The following HIVEP3 variants were observed in gnomAD, a reference collection of about 807,000 sequenced individuals.
HIVEP3 encodes the protein HIVEP zinc finger 3, also known as transcription factor HIVEP3.
Under a neutral mutation model 152.8 loss-of-function variants are expected in HIVEP3, and 49 were observed. The observed-to-expected ratio is 0.32, with a 90% CI of 0.26 to 0.41. HIVEP3 has a LOEUF of 0.41. HIVEP3 is among the 10% of genes least tolerant of loss of function. The pLI is 1.00. For missense variants in HIVEP3, 2,790 were observed against 3,103.3 expected, an observed-to-expected ratio of 0.90 and a Z score of 2.40; for synonymous variants, 1,269 against 1,289.0, an observed-to-expected ratio of 0.98 and a Z score of 0.33.
At chr1:41,565,397 G>C (rs1644144943) in intron 5 of HIVEP3, among the ~76,000 whole-genome samples, 1 of 151,796 alleles carries the variant, frequency 6.6e-6, no homozygotes, top group South Asian at 2.1e-4. Context: ...TGACCGGTGG[G>C]TGGGTGGGGG....
At chr1:41,741,772 T>G (rs1263865341) in intron 1 of HIVEP3, among the ~76,000 whole-genome samples, 1 of 152,240 alleles carries the variant, frequency 6.6e-6, no homozygotes. Flanking sequence ...TGTGACCTTG[T>G]GTCTGCTGCT....
chr1:41,599,052 A>G (rs1307498835), intron 3 of HIVEP3, among the ~76,000 whole-genome samples: 1 of 152,122 alleles, frequency 6.6e-6, no homozygotes, highest in African/African-American at 2.4e-5. Context: ...CCTGGGCTCA[A>G]GTGATCCACC....
At chr1:41,617,688 A>C (rs1283631984) in intron 3 of HIVEP3, among the ~76,000 whole-genome samples, 2 of 152,254 alleles carry the variant, frequency 1.3e-5, no homozygotes, top group Non-Finnish European at 2.9e-5. Flanking sequence ...CACGGGAGAG[A>C]ACCAAGTAGG....
intron 1 of HIVEP3, among the ~76,000 whole-genome samples, chr1:41,755,057 A>G (rs1010345155): frequency 1.3e-5 from 2 of 152,382 alleles, no homozygotes; most frequent in South Asian, 4.1e-4. Flanking sequence ...ATGTTAAGAC[A>G]TGATATAGCT....
intron 1 of HIVEP3, among the ~76,000 whole-genome samples, chr1:41,737,005 C>T (rs1417150378): frequency 1.3e-5 from 2 of 152,178 alleles, no homozygotes; most frequent in South Asian, 2.1e-4. Flanking sequence ...ACTACTCCTG[C>T]CCCACCTCCA....
chr1:41,580,911 G>T lies in HIVEP3; in HGVS notation c.3887C>A (p.Ser1296Tyr), dbSNP rs1244849786. Reference protein sequence around the residue: ...RLPPVAPPASSSAPTSAPPLA... With the variant: ...RLPPVAPPASYSAPTSAPPLA... Reference sequence around the variant, plus strand: ...TGGAGGAGCTGATGTAGGTGCTGAGGAGCTGGCTGGGGGAGCCACAGGGGG... The same window carrying T: ...TGGAGGAGCTGATGTAGGTGCTGAGTAGCTGGCTGGGGGAGCCACAGGGGG... The change falls in exon 4 of 9, where the codon TCC (serine) becomes TAC (tyrosine). Residue 1296 changes from serine (S) to tyrosine (Y), a missense_variant. By Grantham distance (144) the Ser-to-Tyr change is moderately radical (BLOSUM62 -2). Around this residue, in one of 9 missense-constraint regions of HIVEP3, gnomAD observed 1,078 missense variants for 1,165.3 expected, o/e 0.93. Transcript: ENST00000372583. 1.9e-6 allele frequency: 3 copies of T among 1,612,722 alleles called. No homozygotes were observed. The highest frequency in any genetic ancestry group is 2.5e-6 in the Non-Finnish European group (3 of 1,179,510).
chr1:41,817,303 C>G (rs541974953), intron 1 of HIVEP3, among the ~76,000 whole-genome samples: 1 of 151,996 alleles, frequency 6.6e-6, no homozygotes, highest in Admixed American at 6.5e-5. Context: ...ATCAGACAGA[C>G]AATAATTTGG....
At chr1:41,721,469 G>T (rs924243175) in intron 1 of HIVEP3, among the ~76,000 whole-genome samples, 1 of 152,156 alleles carries the variant, frequency 6.6e-6, no homozygotes, top group African/African-American at 2.4e-5. Context: ...GCCTCCCAAA[G>T]TGCTGGGATT....
chr1:41,740,069 TAAG>T (rs753847750), intron 1 of HIVEP3, among the ~76,000 whole-genome samples: 10 of 152,154 alleles, frequency 6.6e-5, no homozygotes, highest in Non-Finnish European at 1.5e-4. Context: ...GTCACACAGC[TAAG>T]AAGTGGCAGA....
At chr1:41,732,200 C>T (rs12097748) in intron 1 of HIVEP3, among the ~76,000 whole-genome samples, 11,409 of 152,136 alleles carry the variant, frequency 0.075, 992 homozygotes, top group African/African-American at 0.21. Context: ...CAGCTTGGGC[C>T]GGACGGGGAG....
chr1:41,604,708 A>T (rs1200663428), intron 3 of HIVEP3, among the ~76,000 whole-genome samples: 1 of 152,204 alleles, frequency 6.6e-6, no homozygotes, highest in Non-Finnish European at 1.5e-5. Context: ...TACTTTATAG[A>T]TTACCCAGCT....
intron 1 of HIVEP3, among the ~76,000 whole-genome samples, chr1:41,965,093 T>A (rs544415430): frequency 6.6e-6 from 1 of 152,148 alleles, no homozygotes. Context: ...TTCTGCAGCC[T>A]CCACTGGTGA....
intron 1 of HIVEP3, among the ~76,000 whole-genome samples, chr1:41,710,788 G>A (rs770954197): frequency 7.2e-5 from 11 of 152,290 alleles, no homozygotes; most frequent in Non-Finnish European, 1.2e-4. Context: ...CAATCCCTGT[G>A]GCCGTGCAGC....
intron 2 of HIVEP3, among the ~76,000 whole-genome samples, chr1:41,647,397 A>G (rs996391139): frequency 6.6e-6 from 1 of 152,174 alleles, no homozygotes; most frequent in African/African-American, 2.4e-5. Flanking sequence ...AGCACACATC[A>G]CCATTGAAAA....
intron 5 of HIVEP3, among the ~76,000 whole-genome samples, chr1:41,526,301 ACT>A (rs1558027089): frequency 8.1e-6 from 1 of 123,232 alleles, no homozygotes; most frequent in Non-Finnish European, 1.7e-5. Flanking sequence ...CCTCACACAC[ACT>A]CACCCTCACA....
At chr1:41,669,214 C>G (rs1645839154) in intron 2 of HIVEP3, among the ~76,000 whole-genome samples, 1 of 152,162 alleles carries the variant, frequency 6.6e-6, no homozygotes, top group African/African-American at 2.4e-5. Flanking sequence ...TTAGAAAGGG[C>G]TGAGTCAGGC....
chr1:41,653,977 A>AAG (rs1269241845), intron 2 of HIVEP3, among the ~76,000 whole-genome samples: 3 of 151,442 alleles, frequency 2.0e-5, no homozygotes, highest in African/African-American at 7.3e-5. Flanking sequence ...AAAAAAAAAA[A>AAG]AAAAACCAGA....
chr1:41,589,297 AC>A (rs1644552091), intron 3 of HIVEP3, among the ~76,000 whole-genome samples: 1 of 152,210 alleles, frequency 6.6e-6, no homozygotes, highest in African/African-American at 2.4e-5. Flanking sequence ...TCGCTCAGAG[AC>A]CAGCTTATAA....
intron 1 of HIVEP3, among the ~76,000 whole-genome samples, chr1:41,813,911 G>A (rs146375231): frequency 3.9e-5 from 6 of 152,122 alleles, no homozygotes; most frequent in Non-Finnish European, 7.4e-5. Context: ...TCAGCACTGC[G>A]GCCTGGGCTT....
Sources: gnomAD v4.1 joint callset for allele counts (sites outside exome capture counted in the v4.1 genomes callset) on GRCh38, gnomAD v4.1.1 for gene constraint, gnomAD v4.1.1 regional missense constraint, MANE v1.5 for transcripts, NCBI Gene and HGNC (gene_info 2026-07-23, HGNC 2026-07-21) for gene names.